DCC: variants seen among roughly 807,000 people sequenced by gnomAD.
DCC encodes DCC netrin 1 receptor, also known as netrin receptor DCC.
Under a neutral mutation model 172.5 loss-of-function variants are expected in DCC, and 58 were observed. The ratio of observed to expected loss-of-function variants is 0.34; its 90% CI spans 0.27 to 0.42. The LOEUF (loss-of-function observed/expected upper bound fraction) is 0.42. Among genes scored for constraint, DCC ranks in the 10% least tolerant of loss-of-function variants. The probability of loss-of-function intolerance (pLI) is 1.00; values close to 1 mark genes in which losing one functional copy is unlikely to be tolerated. For missense variants in DCC, 1,740 were observed against 1,791.0 expected (o/e 0.97, Z 0.51); for synonymous variants, 709 against 644.5 (o/e 1.10, Z -1.52).
chr18:52,997,069 C>G (rs1475913025), intron 5 of DCC, among the ~76,000 whole-genome samples: 1 of 151,862 alleles, frequency 6.6e-6, no homozygotes, highest in East Asian at 1.9e-4. Context: ...AGAAAACAAA[C>G]AAAAACAAAA....
chr18:52,941,502 G>GTATATATA (rs1555684832), intron 5 of DCC, among the ~76,000 whole-genome samples: 2 of 148,870 alleles, frequency 1.3e-5, no homozygotes, highest in Non-Finnish European at 3.0e-5. Context: ...GTGTGTGTGT[G>GTATATATA]TATATATATA....
intron 5 of DCC, among the ~76,000 whole-genome samples, chr18:53,026,412 G>A (rs1248671713): frequency 1.3e-5 from 2 of 152,070 alleles, no homozygotes; most frequent in African/African-American, 4.8e-5. Flanking sequence ...CTTTTTACTA[G>A]GAAGCAGTGA....
At chr18:53,261,289 A>C (rs963203772) in intron 12 of DCC, among the ~76,000 whole-genome samples, 3 of 152,130 alleles carry the variant, frequency 2.0e-5, no homozygotes, top group African/African-American at 7.2e-5. Context: ...CATCTCCTGC[A>C]TTGCTCACAC....
chr18:52,350,688 A>G (rs189240598), intron 1 of DCC, among the ~76,000 whole-genome samples: 349 of 152,298 alleles, frequency 2.3e-3, no homozygotes, highest in African/African-American at 7.9e-3. Context: ...ATATATTAAT[A>G]TTTATTAGCT....
At chr18:53,073,004 C>A (rs1407024524) in intron 7 of DCC, among the ~76,000 whole-genome samples, 1 of 152,170 alleles carries the variant, frequency 6.6e-6, no homozygotes, top group Non-Finnish European at 1.5e-5. Context: ...CATATCACAT[C>A]TACCACATAG....
At chr18:52,478,063 G>A (rs943599336) in intron 1 of DCC, among the ~76,000 whole-genome samples, 2 of 152,006 alleles carry the variant, frequency 1.3e-5, no homozygotes, top group Non-Finnish European at 2.9e-5. Context: ...TCCTACCTTG[G>A]CCTCACAAAG....
intron 13 of DCC, among the ~76,000 whole-genome samples, chr18:53,321,587 T>G (rs1006262003): frequency 1.3e-5 from 2 of 152,186 alleles, no homozygotes; most frequent in Admixed American, 6.5e-5. Flanking sequence ...ACAAAAGCCC[T>G]AATATTTTCT....
At chr18:52,783,498 A>C (rs1223549592) in intron 2 of DCC, among the ~76,000 whole-genome samples, 1 of 151,446 alleles carries the variant, frequency 6.6e-6, no homozygotes, top group Non-Finnish European at 1.5e-5. Context: ...TCCTTATAAA[A>C]AGTAAGTTAT....
At chr18:53,277,879 A>C (rs1004706340) in intron 12 of DCC, among the ~76,000 whole-genome samples, 2 of 152,134 alleles carry the variant, frequency 1.3e-5, no homozygotes, top group African/African-American at 2.4e-5. Context: ...CTGCCGAAAC[A>C]TTTCCATGCA....
rs561077649 is a variant in DCC, at chr18:53,167,132, GT to G, written c.1418+9623del. ...TCCTCCCTGAAGCAACTAATTAGGT[GT>G]TTGACCCCTCAAGGCAGCATTTGTT... On this transcript the variant is annotated intron_variant, in intron 8 of 28. Transcript: ENST00000442544. Among the ~76,000 whole-genome samples, 1,276 of 152,270 alleles carry G rather than the reference GT, an allele frequency of 8.4e-3. 13 individuals carry two copies. The highest frequency in any genetic ancestry group is 0.014 in the Non-Finnish European group (968 of 68,018).
intron 27 of DCC, among the ~76,000 whole-genome samples, chr18:53,502,448 G>A (rs1455234701): frequency 6.6e-6 from 1 of 152,094 alleles, no homozygotes; most frequent in African/African-American, 2.4e-5. Context: ...TACTTATTCT[G>A]ATAGAAAAAG....
At chr18:52,578,862 T>C (rs1187356196) in intron 1 of DCC, among the ~76,000 whole-genome samples, 1 of 152,050 alleles carries the variant, frequency 6.6e-6, no homozygotes, top group African/African-American at 2.4e-5. Context: ...TAGCCTGTAA[T>C]CCCAGCTACT....
At chr18:52,593,973 A>G (rs1453061546) in intron 1 of DCC, among the ~76,000 whole-genome samples, 2 of 152,214 alleles carry the variant, frequency 1.3e-5, no homozygotes, top group Non-Finnish European at 2.9e-5. Context: ...AGTGGATGTA[A>G]AAACCTCAGA....
chr18:52,511,486 G>A (rs926001738), intron 1 of DCC, among the ~76,000 whole-genome samples: 2 of 152,104 alleles, frequency 1.3e-5, no homozygotes, highest in Non-Finnish European at 2.9e-5. Flanking sequence ...TTCAAACTGG[G>A]AAGGGGTTGA....
chr18:53,013,465 G>A (rs1015527981), intron 5 of DCC, among the ~76,000 whole-genome samples: 2 of 152,038 alleles, frequency 1.3e-5, no homozygotes, highest in Admixed American at 1.3e-4. Flanking sequence ...AATGCCACAT[G>A]TTCTCACTCA....
intron 2 of DCC, among the ~76,000 whole-genome samples, chr18:52,821,706 G>A (rs1209758402): frequency 2.6e-5 from 4 of 152,174 alleles, no homozygotes; most frequent in African/African-American, 9.7e-5. Context: ...TTGGAATGCT[G>A]TAAATATTTA....
At chr18:53,506,639 C>CCTGAG (rs959257821) in intron 27 of DCC, among the ~76,000 whole-genome samples, 59 of 152,200 alleles carry the variant, frequency 3.9e-4, no homozygotes, top group African/African-American at 1.4e-3. Flanking sequence ...AGGCAGATTG[C>CCTGAG]CTGAGCTCAG....
At chr18:52,643,315 C>T (rs1204179206) in intron 1 of DCC, among the ~76,000 whole-genome samples, 36 of 152,192 alleles carry the variant, frequency 2.4e-4, no homozygotes, top group Non-Finnish European at 5.9e-5. Context: ...TCATCACTGA[C>T]CATCAGAAGG....
At chr18:52,960,660 A>G (rs898549438) in intron 5 of DCC, among the ~76,000 whole-genome samples, 1 of 148,102 alleles carries the variant, frequency 6.8e-6, no homozygotes, top group Non-Finnish European at 1.5e-5. Context: ...ACCCAACATT[A>G]TGATATTTCC....
Sources: gnomAD v4.1 joint callset for allele counts (sites outside exome capture counted in the v4.1 genomes callset) on GRCh38, gnomAD v4.1.1 for gene constraint, MANE v1.5 for transcripts, NCBI Gene and HGNC (gene_info 2026-07-23, HGNC 2026-07-21) for gene names.